The following CLYBL variants were observed in gnomAD, a reference collection of about 807,000 sequenced individuals.
CLYBL encodes the protein citramalyl-CoA lyase.
CLYBL carries 31 observed loss-of-function variants against 38.9 expected under a neutral mutation model. The observed-to-expected ratio is 0.80, with a 90% CI of 0.60 to 1.08. CLYBL has a LOEUF of 1.08. CLYBL is among the 50% of genes least tolerant of loss of function. CLYBL has a pLI of 0.00. For synonymous variants in CLYBL, 171 were observed against 158.6 expected (o/e 1.08, Z -0.59); for missense variants, 434 against 411.6 (o/e 1.05, Z -0.47).
intron 1 of CLYBL, among the ~76,000 whole-genome samples, chr13:99,626,386 G>T (rs1417329535): frequency 6.6e-6 from 1 of 152,216 alleles, no homozygotes; most frequent in Non-Finnish European, 1.5e-5. Context: ...GCCCAGGACT[G>T]ACTTCAGATT....
At chr13:99,739,235 G>A (rs191743063) in intron 1 of CLYBL, among the ~76,000 whole-genome samples, 5 of 152,198 alleles carry the variant, frequency 3.3e-5, no homozygotes, top group African/African-American at 1.2e-4. Flanking sequence ...CTTTAAAAGG[G>A]ATTGCATTTT....
chr13:99,881,133 A>T (rs188612096), intron 7 of CLYBL, among the ~76,000 whole-genome samples: 1 of 152,320 alleles, frequency 6.6e-6, no homozygotes, highest in East Asian at 1.9e-4. Flanking sequence ...TCTCCATCAA[A>T]GGCCATGGAG....
At chr13:99,872,512 C>T (rs1161332147) in intron 7 of CLYBL, among the ~76,000 whole-genome samples, 4 of 152,184 alleles carry the variant, frequency 2.6e-5, no homozygotes, top group Admixed American at 6.5e-5. Flanking sequence ...TACCTGCCCA[C>T]GCATACCCAC....
At chr13:99,844,752 A>G (rs953066133) in intron 2 of CLYBL, among the ~76,000 whole-genome samples, 11 of 152,164 alleles carry the variant, frequency 7.2e-5, no homozygotes, top group African/African-American at 2.4e-4. Flanking sequence ...TCGGGTCTAC[A>G]CTGTGGCAGC....
At chr13:99,608,364 T>C (rs1238393480) in intron 1 of CLYBL, among the ~76,000 whole-genome samples, 1 of 152,206 alleles carries the variant, frequency 6.6e-6, no homozygotes, top group East Asian at 1.9e-4. Context: ...TGAGCCACCG[T>C]GCCCGGCCTG....
At chr13:99,835,359 G>A (rs545662918) in intron 2 of CLYBL, among the ~76,000 whole-genome samples, 38 of 152,302 alleles carry the variant, frequency 2.5e-4, no homozygotes, top group East Asian at 1.5e-3. Context: ...CCCACGTTGC[G>A]TCTGCCCTGT....
chr13:99,641,612 G>A (rs2047095155), intron 1 of CLYBL, among the ~76,000 whole-genome samples: 1 of 151,528 alleles, frequency 6.6e-6, no homozygotes. Context: ...AGACCATCCT[G>A]GCTAGCACGG....
chr13:99,710,365 G>T (rs917432106), intron 1 of CLYBL, among the ~76,000 whole-genome samples: 4 of 152,178 alleles, frequency 2.6e-5, no homozygotes, highest in South Asian at 2.1e-4. Context: ...GCCGCACATG[G>T]CATTTGTTCT....
chr13:99,704,561 T>G (rs2048117515), intron 1 of CLYBL, among the ~76,000 whole-genome samples: 2 of 152,216 alleles, frequency 1.3e-5, no homozygotes, highest in Admixed American at 1.3e-4. Context: ...CTTTGCTAGG[T>G]TAAGTATTTA....
At chr13:99,814,408 C>T (rs566486709) in intron 2 of CLYBL, among the ~76,000 whole-genome samples, 1 of 152,106 alleles carries the variant, frequency 6.6e-6, no homozygotes, top group Non-Finnish European at 1.5e-5. Flanking sequence ...CATTGTTTGC[C>T]CCTTTGAACA....
chr13:99,615,631 A>G (rs1181761054), intron 1 of CLYBL, among the ~76,000 whole-genome samples: 1 of 152,200 alleles, frequency 6.6e-6, no homozygotes, highest in African/African-American at 2.4e-5. Flanking sequence ...CTTGGGTATG[A>G]ATTTAAATCC....
intron 1 of CLYBL, among the ~76,000 whole-genome samples, chr13:99,722,168 C>T (rs1374662566): frequency 6.6e-6 from 1 of 152,214 alleles, no homozygotes; most frequent in Non-Finnish European, 1.5e-5. Context: ...GTTCCCTTTT[C>T]ATGGACTGGC....
At chr13:99,699,924 G>T (rs555454066) in intron 1 of CLYBL, among the ~76,000 whole-genome samples, 30 of 151,968 alleles carry the variant, frequency 2.0e-4, no homozygotes, top group Non-Finnish European at 3.8e-4. Flanking sequence ...CCACGGAGGC[G>T]GAGCTTGCAG....
intron 7 of CLYBL, among the ~76,000 whole-genome samples, chr13:99,872,132 A>G (rs529745269): frequency 2.0e-5 from 3 of 152,314 alleles, no homozygotes; most frequent in African/African-American, 7.2e-5. Context: ...AGTGGGCAAC[A>G]ATATTAAATG....
chr13:99,802,564 C>T (rs1238049001), intron 2 of CLYBL, among the ~76,000 whole-genome samples: 1 of 152,170 alleles, frequency 6.6e-6, no homozygotes, highest in East Asian at 1.9e-4. Context: ...TTAAGTCCCT[C>T]TCACCAGTGC....
chr13:99,633,802 A>G (rs962572490), intron 1 of CLYBL, among the ~76,000 whole-genome samples: 1 of 152,184 alleles, frequency 6.6e-6, no homozygotes, highest in Non-Finnish European at 1.5e-5. Flanking sequence ...ATAGCAGACA[A>G]AGTTAACTGA....
At chr13:99,804,469 G>GT (rs971041680) in intron 2 of CLYBL, among the ~76,000 whole-genome samples, 20 of 151,112 alleles carry the variant, frequency 1.3e-4, no homozygotes, top group African/African-American at 2.2e-4. Context: ...ACCTCTAACT[G>GT]TTTTTTTTTC....
At chr13:99,669,693 A>G (rs1470494425) in intron 1 of CLYBL, among the ~76,000 whole-genome samples, 2 of 152,192 alleles carry the variant, frequency 1.3e-5, no homozygotes, top group Admixed American at 6.5e-5. Context: ...TTAGCTTTTA[A>G]GAGCTGTTAC....
chr13:99,900,801 A>G (rs9513680), downstream of CLYBL, among the ~76,000 whole-genome samples: 80,296 of 151,998 alleles, frequency 0.53, 22,476 homozygotes, highest in Non-Finnish European at 0.63. Flanking sequence ...GAAAAATAAC[A>G]AAGCCTCCTT....
Sources: allele counts gnomAD v4.1 joint callset (sites outside exome capture counted in the v4.1 genomes callset), GRCh38; gene constraint gnomAD v4.1.1; transcripts MANE v1.5; gene names NCBI Gene and HGNC (gene_info 2026-07-23, HGNC 2026-07-21).